PTPRR: variants seen among roughly 807,000 people sequenced by gnomAD.
The protein encoded by PTPRR is protein tyrosine phosphatase receptor type R.
A neutral mutation model predicts 77.2 loss-of-function variants in PTPRR; 38 were observed. The ratio of observed to expected loss-of-function variants is 0.49; its 90% CI spans 0.38 to 0.65. PTPRR has a LOEUF of 0.65. PTPRR is among the 30% of genes least tolerant of loss of function. The probability of loss-of-function intolerance (pLI) is 0.00; values close to 1 mark genes in which losing one functional copy is unlikely to be tolerated. For synonymous variants in PTPRR, 299 were observed against 283.1 expected, an observed-to-expected ratio of 1.06 and a Z score of -0.57; for missense variants, 744 against 799.2, an observed-to-expected ratio of 0.93 and a Z score of 0.83.
intron 6 of PTPRR, among the ~76,000 whole-genome samples, chr12:70,720,670 GACAGGGTTTCT>G (rs901027091): frequency 6.6e-6 from 1 of 151,904 alleles, no homozygotes; most frequent in Admixed American, 6.6e-5. Flanking sequence ...TTTTAGTAGA[GACAGGGTTTCT>G]CCATGTTGCC....
At chr12:70,658,331 T>C (rs922454378) in intron 12 of PTPRR, among the ~76,000 whole-genome samples, 3 of 152,214 alleles carry the variant, frequency 2.0e-5, no homozygotes, top group Admixed American at 2.0e-4. Flanking sequence ...TTGGAAATAA[T>C]TGCTCCCCTC....
intron 6 of PTPRR, among the ~76,000 whole-genome samples, chr12:70,723,710 TG>T (rs1422718650): frequency 6.6e-6 from 1 of 152,210 alleles, no homozygotes; most frequent in Admixed American, 6.6e-5. Context: ...TTTACCTTTT[TG>T]TTTTTTTTAA....
chr12:70,639,134 A>T lies in PTPRR; in HGVS notation c.*50T>A, dbSNP rs969578854. The T allele has an allele frequency of 6.5e-7, 1 of 1,537,232 alleles. No individual in the cohort carries two copies. Among genetic ancestry groups the T allele is most frequent in the African/African-American group, 1.4e-5 (1 of 73,400 alleles). On this transcript the variant is annotated 3_prime_UTR_variant, in exon 14 of 14. Coordinates refer to ENST00000283228, the MANE Select transcript of PTPRR (RefSeq NM_002849.4). ...TCCTTCTAGAAGCCTTGGGTGGGTA[A>T]TTTGATTAATCACCCCAAGAGATTG...
chr12:70,852,728 A>G (rs1892590711), intron 2 of PTPRR, among the ~76,000 whole-genome samples: 1 of 152,206 alleles, frequency 6.6e-6, no homozygotes. Context: ...TTTGTAACAA[A>G]CTAGCAGTGT....
intron 2 of PTPRR, among the ~76,000 whole-genome samples, chr12:70,870,032 G>A (rs1249410488): frequency 6.6e-6 from 1 of 152,110 alleles, no homozygotes; most frequent in Non-Finnish European, 1.5e-5. Context: ...AGTCAAAGAG[G>A]AAACATTTTC....
At chr12:70,780,138 C>A (rs1176396775) in intron 2 of PTPRR, among the ~76,000 whole-genome samples, 1 of 152,034 alleles carries the variant, frequency 6.6e-6, no homozygotes, top group Admixed American at 6.6e-5. Flanking sequence ...ACTGCAGGTG[C>A]CCGCCACCAT....
At chr12:70,811,459 G>A (rs750591485) in intron 2 of PTPRR, among the ~76,000 whole-genome samples, 4 of 152,098 alleles carry the variant, frequency 2.6e-5, no homozygotes, top group Non-Finnish European at 4.4e-5. Context: ...GCCTGCAAAA[G>A]GTTCAAAAGC....
chr12:70,907,073 C>T (rs1414331409), intron 1 of PTPRR: 1 of 152,114 alleles, frequency 6.6e-6, no homozygotes, highest in Admixed American at 6.5e-5. Flanking sequence ...TTTCTAAGAT[C>T]CAGTCTACAC....
intron 2 of PTPRR, among the ~76,000 whole-genome samples, chr12:70,811,725 G>A (rs2137031270): frequency 6.6e-6 from 1 of 152,342 alleles, no homozygotes; most frequent in African/African-American, 2.4e-5. Flanking sequence ...CCCTGATGCA[G>A]TAAGATCTAT....
intron 2 of PTPRR, among the ~76,000 whole-genome samples, chr12:70,813,380 A>G (rs17814482): frequency 0.083 from 12,484 of 150,612 alleles, 635 homozygotes; most frequent in South Asian, 0.16. Context: ...GTGCATCTCA[A>G]CGTGGATATT....
intron 2 of PTPRR, among the ~76,000 whole-genome samples, chr12:70,773,179 C>T (rs1466111054): frequency 6.6e-6 from 1 of 152,042 alleles, no homozygotes; most frequent in Non-Finnish European, 1.5e-5. Flanking sequence ...GGATTAGGAG[C>T]CCACCCTACT....
At chr12:70,813,885 A>G (rs1041979865) in intron 2 of PTPRR, among the ~76,000 whole-genome samples, 2 of 152,168 alleles carry the variant, frequency 1.3e-5, no homozygotes, top group African/African-American at 4.8e-5. Context: ...TGATCAGCAC[A>G]AGGATGGGAG....
chr12:70,796,338 CA>C lies in PTPRR; in HGVS notation c.358-31561del, dbSNP rs879750639. Among the ~76,000 whole-genome samples, 744 of 150,730 alleles carry C rather than the reference CA, an allele frequency of 4.9e-3. 5 individuals are homozygous for C. Among genetic ancestry groups the C allele is most frequent in the African/African-American group, 0.015 (612 of 41,074 alleles). On this transcript the variant is annotated intron_variant, in intron 2 of 13. Coordinates refer to ENST00000283228, the MANE Select transcript of PTPRR (RefSeq NM_002849.4). Reference sequence around the variant, plus strand: ...TTTATGTGTCCCTCATCAGAATATACACTTTTTTTTAACATTATAGTTTCCC... The same window carrying C: ...TTTATGTGTCCCTCATCAGAATATACCTTTTTTTTAACATTATAGTTTCCC...
At chr12:70,847,765 C>A (rs1319649134) in intron 2 of PTPRR, among the ~76,000 whole-genome samples, 1 of 152,076 alleles carries the variant, frequency 6.6e-6, no homozygotes, top group African/African-American at 2.4e-5. Flanking sequence ...GCTCTAAGCA[C>A]CAGATGGACA....
rs527792289 is a variant in PTPRR, at chr12:70,674,105, T to A, written c.1497+10022A>T. On this transcript the variant is annotated intron_variant, in intron 10 of 13. Transcript: ENST00000283228. ...CGCACCACCACCCCTGGCTAATTTT[T>A]AAATTTTTTGTTGAGATATAAGTCT... Among the ~76,000 whole-genome samples, 42 of 152,180 alleles carry A rather than the reference T, an allele frequency of 2.8e-4. 1 individual carries two copies. The highest frequency in any genetic ancestry group is 9.9e-4 in the African/African-American group (41 of 41,532).
intron 2 of PTPRR, among the ~76,000 whole-genome samples, chr12:70,839,744 T>C (rs1892364665): frequency 1.3e-5 from 2 of 152,164 alleles, no homozygotes; most frequent in Non-Finnish European, 1.5e-5. Flanking sequence ...GGTAACTGGC[T>C]GCTTGTATTC....
intron 12 of PTPRR, among the ~76,000 whole-genome samples, chr12:70,659,265 C>A (rs1044200590): frequency 1.1e-4 from 16 of 152,032 alleles, no homozygotes; most frequent in African/African-American, 3.6e-4. Context: ...ACAGGTAGGC[C>A]ATGGTGGCGG....
chr12:70,709,584 C>G (rs181618903), intron 6 of PTPRR, among the ~76,000 whole-genome samples: 1 of 151,982 alleles, frequency 6.6e-6, no homozygotes, highest in African/African-American at 2.4e-5. Flanking sequence ...TCTAGAAAAC[C>G]CAGAGTTTCA....
At chr12:70,907,440 T>C (rs1302254959) in intron 1 of PTPRR, among the ~76,000 whole-genome samples, 1 of 152,164 alleles carries the variant, frequency 6.6e-6, no homozygotes, top group Non-Finnish European at 1.5e-5. Context: ...TGTTTATCCA[T>C]TGAAAGTTGA....
Sources: allele counts gnomAD v4.1 joint callset (sites outside exome capture counted in the v4.1 genomes callset), GRCh38; gene constraint gnomAD v4.1.1; transcripts MANE v1.5; gene names NCBI Gene and HGNC (gene_info 2026-07-23, HGNC 2026-07-21).